SLC8A1: variants seen among roughly 807,000 people sequenced by gnomAD.
The protein encoded by SLC8A1 is sodium/calcium exchanger 1.
Under a neutral mutation model 68.3 loss-of-function variants are expected in SLC8A1, and 18 were observed. That is an observed-to-expected ratio of 0.26 (90% confidence interval 0.18 to 0.39). The LOEUF (loss-of-function observed/expected upper bound fraction) is 0.39, where lower values mean the gene tolerates loss of function less well. Among genes scored for constraint, SLC8A1 ranks in the 10% least tolerant of loss-of-function variants. The probability of loss-of-function intolerance (pLI) is 1.00; values close to 1 mark genes in which losing one functional copy is unlikely to be tolerated. For synonymous variants in SLC8A1, 475 were observed against 415.5 expected (o/e 1.14, Z -1.74); for missense variants, 985 against 1,156.7 (o/e 0.85, Z 2.15).
At chr2:40,221,997 A>T (rs567754979) in intron 2 of SLC8A1, among the ~76,000 whole-genome samples, 1 of 152,222 alleles carries the variant, frequency 6.6e-6, no homozygotes, top group African/African-American at 2.4e-5. Flanking sequence ...ATTGACTTTC[A>T]TCACAGAATT....
intron 2 of SLC8A1, among the ~76,000 whole-genome samples, chr2:40,272,129 A>G (rs2066119195): frequency 6.6e-6 from 1 of 152,186 alleles, no homozygotes; most frequent in South Asian, 2.1e-4. Context: ...TCAGCCTCCC[A>G]AAGTGCTGAG....
At chr2:40,475,218 C>T (rs1174209098) in intron 1 of SLC8A1, among the ~76,000 whole-genome samples, 1 of 152,132 alleles carries the variant, frequency 6.6e-6, no homozygotes, top group Non-Finnish European at 1.5e-5. Context: ...ACTGCAAGCT[C>T]CGTCTCCCGG....
intron 7 of SLC8A1, among the ~76,000 whole-genome samples, chr2:40,137,591 TTTTATA>T (rs2040759319): frequency 6.6e-6 from 1 of 152,136 alleles, no homozygotes; most frequent in African/African-American, 2.4e-5. Flanking sequence ...ATTCCTTTGG[TTTTATA>T]TATAGTCTCT....
intron 6 of SLC8A1, among the ~76,000 whole-genome samples, chr2:40,151,425 C>A (rs781721054): frequency 2.0e-5 from 3 of 152,102 alleles, no homozygotes; most frequent in Non-Finnish European, 4.4e-5. Context: ...CATTGCCAAG[C>A]GCTGTCTTAG....
chr2:40,338,588 C>T (rs966686512), intron 2 of SLC8A1, among the ~76,000 whole-genome samples: 15 of 152,110 alleles, frequency 9.9e-5, no homozygotes, highest in African/African-American at 3.6e-4. Flanking sequence ...TGAAATCATT[C>T]AACAAATACA....
chr2:40,406,929 G>C (rs749257699), intron 2 of SLC8A1, among the ~76,000 whole-genome samples: 1 of 150,846 alleles, frequency 6.6e-6, no homozygotes, highest in Non-Finnish European at 1.5e-5. Flanking sequence ...TCTGTGTTGT[G>C]TTCTCAATTC....
intron 2 of SLC8A1, among the ~76,000 whole-genome samples, chr2:40,352,369 C>A (rs959786039): frequency 6.6e-6 from 1 of 152,118 alleles, no homozygotes; most frequent in African/African-American, 2.4e-5. Flanking sequence ...TTGATTTCAA[C>A]CAATGTCTCA....
chr2:40,126,079 G>A (rs978910182), intron 7 of SLC8A1, among the ~76,000 whole-genome samples: 3 of 152,086 alleles, frequency 2.0e-5, no homozygotes, highest in African/African-American at 7.2e-5. Flanking sequence ...GAGGGCACGA[G>A]GTGGGATTAG....
chr2:40,274,879 T>C (rs1042563693), intron 2 of SLC8A1, among the ~76,000 whole-genome samples: 3 of 152,210 alleles, frequency 2.0e-5, no homozygotes, highest in Admixed American at 1.3e-4. Context: ...CTGTGTCGTG[T>C]ATCACTCATG....
intron 1 of SLC8A1, among the ~76,000 whole-genome samples, chr2:40,468,468 A>G (rs1426639429): frequency 6.6e-6 from 1 of 152,152 alleles, no homozygotes; most frequent in Non-Finnish European, 1.5e-5. Flanking sequence ...TTAAGTTTAA[A>G]TAAGCGCCTT....
intron 2 of SLC8A1, among the ~76,000 whole-genome samples, chr2:40,264,666 C>G (rs2149108232): frequency 6.6e-6 from 1 of 152,204 alleles, no homozygotes; most frequent in East Asian, 1.9e-4. Flanking sequence ...CACACGGACA[C>G]AGGAAGGGGA....
intron 2 of SLC8A1, among the ~76,000 whole-genome samples, chr2:40,249,898 A>G (rs1177914625): frequency 6.6e-6 from 1 of 152,142 alleles, no homozygotes; most frequent in East Asian, 1.9e-4. Context: ...ATTGAAAAAA[A>G]TATATTTTGA....
chr2:40,120,081 C>A (rs1445359031), intron 7 of SLC8A1, among the ~76,000 whole-genome samples: 1 of 152,218 alleles, frequency 6.6e-6, no homozygotes, highest in East Asian at 1.9e-4. Flanking sequence ...TACTTATAGG[C>A]TAAGCCTTAA....
At chr2:40,263,421 C>T (rs956755352) in intron 2 of SLC8A1, among the ~76,000 whole-genome samples, 1 of 152,132 alleles carries the variant, frequency 6.6e-6, no homozygotes, top group Non-Finnish European at 1.5e-5. Flanking sequence ...AAGAACAAAG[C>T]TGGAGGCATC....
chr2:40,100,790 C>G (rs1025405700), exon 8 of SLC8A1: 1 of 152,032 alleles, frequency 6.6e-6, no homozygotes, highest in Non-Finnish European at 1.5e-5. Context: ...GGGAGGGTCA[C>G]AGATTTTAAA....
At chr2:40,408,464 C>T (rs189667533) in intron 2 of SLC8A1, among the ~76,000 whole-genome samples, 1 of 152,304 alleles carries the variant, frequency 6.6e-6, no homozygotes, top group East Asian at 1.9e-4. Context: ...CTCCATTCTC[C>T]TCCTAAAACC....
chr2:40,458,805 A>T (rs1321007071), intron 1 of SLC8A1, among the ~76,000 whole-genome samples: 1 of 152,182 alleles, frequency 6.6e-6, no homozygotes, highest in Admixed American at 6.5e-5. Flanking sequence ...TATCTCCTCT[A>T]TTAAGAAGGG....
intron 2 of SLC8A1, among the ~76,000 whole-genome samples, chr2:40,217,698 G>A (rs2057708942): frequency 6.6e-6 from 1 of 152,136 alleles, no homozygotes; most frequent in African/African-American, 2.4e-5. Context: ...GAATAAGAAG[G>A]TGAGGCTTTG....
chr2:40,386,059 A>G (rs1683458344), intron 2 of SLC8A1, among the ~76,000 whole-genome samples: 1 of 151,280 alleles, frequency 6.6e-6, no homozygotes, highest in Non-Finnish European at 1.5e-5. Flanking sequence ...GCTCCAAATA[A>G]ATGCTACTAT....
Sources: gnomAD v4.1 joint callset for allele counts (sites outside exome capture counted in the v4.1 genomes callset) on GRCh38, gnomAD v4.1.1 for gene constraint, MANE v1.5 for transcripts, NCBI Gene and HGNC (gene_info 2026-07-23, HGNC 2026-07-21) for gene names.